The following RNF19A variants were observed in gnomAD, a reference collection of about 807,000 sequenced individuals.
RNF19A encodes E3 ubiquitin-protein ligase RNF19A.
Under a neutral mutation model 75.7 loss-of-function variants are expected in RNF19A, and 32 were observed. The ratio of observed to expected loss-of-function variants is 0.42; its 90% CI spans 0.32 to 0.57. The LOEUF (loss-of-function observed/expected upper bound fraction) is 0.57. RNF19A is among the 20% of genes least tolerant of loss of function. The probability of loss-of-function intolerance (pLI) is 0.10; values close to 1 mark genes in which losing one functional copy is unlikely to be tolerated. For missense variants in RNF19A, 782 were observed against 1,036.3 expected (o/e 0.75, Z 3.37); for synonymous variants, 335 against 345.2 (o/e 0.97, Z 0.33).
chr8:100,308,905 T>A (rs1298373486), intron 1 of RNF19A, among the ~76,000 whole-genome samples: 1 of 152,118 alleles, frequency 6.6e-6, no homozygotes. Flanking sequence ...TTAAGCAGAG[T>A]AAAGCATCGT....
intron 2 of RNF19A, among the ~76,000 whole-genome samples, chr8:100,279,518 C>T (rs993232827): frequency 2.6e-5 from 4 of 151,612 alleles, no homozygotes; most frequent in South Asian, 2.1e-4. Flanking sequence ...AGATTACAAG[C>T]GTGAGCCACC....
At chr8:100,304,831 T>G (rs1167298904) in intron 1 of RNF19A, among the ~76,000 whole-genome samples, 1 of 152,226 alleles carries the variant, frequency 6.6e-6, no homozygotes, top group Non-Finnish European at 1.5e-5. Flanking sequence ...GACTAGTTAC[T>G]AATAATTAGA....
At chr8:100,296,099 TCTTTTTTTC>T (rs1308251565) in intron 1 of RNF19A, among the ~76,000 whole-genome samples, 4 of 152,158 alleles carry the variant, frequency 2.6e-5, no homozygotes, top group East Asian at 1.9e-4. Context: ...TTCTTTTTTT[TCTTTTTTTC>T]CTTTTTTTCT....
At chr8:100,279,538 C>A (rs1202128583) in intron 2 of RNF19A, among the ~76,000 whole-genome samples, 2 of 151,980 alleles carry the variant, frequency 1.3e-5, no homozygotes, top group South Asian at 2.1e-4. Context: ...CAGACCTGGC[C>A]AATTTTTGTA....
intron 1 of RNF19A, among the ~76,000 whole-genome samples, chr8:100,319,041 A>G (rs1206234201): frequency 2.0e-5 from 3 of 152,246 alleles, no homozygotes; most frequent in Non-Finnish European, 4.4e-5. Flanking sequence ...CAGCTAATGT[A>G]AAGCTGAATA....
upstream of RNF19A, among the ~76,000 whole-genome samples, chr8:100,311,562 C>T (rs112669542): frequency 0.029 from 4,332 of 151,648 alleles, 193 homozygotes; most frequent in African/African-American, 0.098. Context: ...ACTAAAAATA[C>T]AAAAAATTAG....
At position 100,288,210 on chromosome 8, in the gene RNF19A, G is replaced by A. The variant is rs1821124476; in HGVS notation, c.-36C>T. 6.6e-6 allele frequency: 10 copies of A among 1,525,884 alleles called. No homozygotes were observed. The East Asian group carries it at 2.3e-4, about 35-fold the overall frequency. The allele number at this position is 1,525,884 out of a possible 1,614,324, so 94.5% of individuals were successfully genotyped here. On this transcript the variant is annotated 5_prime_UTR_variant, in exon 2 of 10. Transcript: ENST00000341084. ...TCATGATGTAAGAATATCCTACTTG[G>A]TTCCTTCAGAGAATTCTTGAAAAGT...
chr8:100,287,830 A>C lies in RNF19A; in HGVS notation c.345T>G (p.Ser115=). 6.2e-7 allele frequency: 1 copy of C among 1,614,216 alleles called. No individual in the cohort carries two copies. Among genetic ancestry groups the C allele is most frequent in the Admixed American group, 1.7e-5 (1 of 60,030 alleles). Residue 115 remains serine, a synonymous_variant, in exon 2 of 10, where the codon TCT becomes TCG. Transcript: ENST00000341084. This position sits in a 1 kb window ranked among gnomAD's most constrained non-coding sequence, Gnocchi z 4.1. The part of the protein sequence containing the change: ...KNSIFSTNTS[S]DNGLTSISKQ... ...TGCTGATGGAAGTTAATCCATTGTC[A>C]GAAGAGGTATTTGTAGAGAAAATGG...
Position 100,264,562 on chromosome 8 carries a change from G to A in RNF19A, c.1306+109C>T, listed in dbSNP as rs189830969. The A allele has an allele frequency of 2.7e-6, 2 of 728,772 alleles. No homozygotes were observed. Among genetic ancestry groups the A allele is most frequent in the African/African-American group, 3.5e-5 (2 of 56,362 alleles). The allele number at this position is 728,772 out of a possible 1,614,324, so 45.1% of individuals were successfully genotyped here. Reference sequence around the variant, plus strand: ...ATACTTTCAACCAAGACTTACTGCAGGCTCAATTTAAATTGTCCTCAAATT... The same window carrying A: ...ATACTTTCAACCAAGACTTACTGCAAGCTCAATTTAAATTGTCCTCAAATT... On this transcript the variant is annotated intron_variant, in intron 6 of 9. Coordinates refer to ENST00000341084, the MANE Select transcript of RNF19A (RefSeq NM_183419.4). This position sits in a 1 kb window ranked among gnomAD's most constrained non-coding sequence, Gnocchi z 4.7.
At chr8:100,305,238 C>T (rs1401647654) in intron 1 of RNF19A, among the ~76,000 whole-genome samples, 4 of 152,144 alleles carry the variant, frequency 2.6e-5, no homozygotes, top group East Asian at 3.9e-4. Flanking sequence ...GACAGTAACG[C>T]GCAAAGTCAT....
intron 3 of RNF19A, among the ~76,000 whole-genome samples, chr8:100,271,125 T>C (rs942657776): frequency 6.6e-6 from 1 of 152,178 alleles, no homozygotes; most frequent in East Asian, 1.9e-4. Flanking sequence ...AATTCAGGTT[T>C]CCTTAGCACT....
chr8:100,294,692 G>A (rs1821471519), intron 1 of RNF19A, among the ~76,000 whole-genome samples: 1 of 152,032 alleles, frequency 6.6e-6, no homozygotes, highest in South Asian at 2.1e-4. Flanking sequence ...ATTTTTTAAG[G>A]AAAACATCTT....
intron 5 of RNF19A, among the ~76,000 whole-genome samples, chr8:100,265,828 T>C (rs146389528): frequency 3.6e-4 from 55 of 152,248 alleles, no homozygotes; most frequent in Middle Eastern, 3.4e-3. Context: ...TTTCCCAGCA[T>C]TGACTAGAGG....
intron 1 of RNF19A, among the ~76,000 whole-genome samples, chr8:100,292,256 T>C (rs969152175): frequency 1.1e-4 from 17 of 152,254 alleles, no homozygotes; most frequent in Admixed American, 2.6e-4. Context: ...CATGTGAGAT[T>C]GGGAATCCAC....
intron 2 of RNF19A, among the ~76,000 whole-genome samples, chr8:100,283,318 A>C (rs775052794): frequency 2.0e-5 from 3 of 152,190 alleles, no homozygotes; most frequent in Non-Finnish European, 4.4e-5. Context: ...GAGGGTAATC[A>C]GATATTTTTA....
intron 1 of RNF19A, among the ~76,000 whole-genome samples, chr8:100,321,496 C>T (rs937624662): frequency 6.6e-6 from 1 of 152,178 alleles, no homozygotes; most frequent in African/African-American, 2.4e-5. Flanking sequence ...TGGTTCCTCC[C>T]CTGAAGTCTT....
rs2130327293 is a variant in RNF19A, at chr8:100,317,297, G to A, written c.-242-3925C>T. On this transcript the variant is annotated intron_variant, in intron 1 of 3. Transcript: ENST00000519527. The surrounding 1 kb of genome is among the most constrained non-coding windows in gnomAD (Gnocchi z 4.3). ...CAAAGTGGGAGCCCAGGCAGAGGAG[G>A]TGCCGAGAGCAAGCGAGGGCTCTGA... is the stretch of plus-strand genomic sequence containing the variant. Among the ~76,000 whole-genome samples, 1 of 152,364 alleles carries A rather than the reference G, an allele frequency of 6.6e-6. No individual in the cohort carries two copies. The highest frequency in any genetic ancestry group is 6.5e-5 in the Admixed American group (1 of 15,310).
chr8:100,281,547 G>A lies in RNF19A; in HGVS notation c.674+5954C>T, dbSNP rs1017222723. On this transcript the variant is annotated intron_variant, in intron 2 of 9. Coordinates refer to ENST00000341084, the MANE Select transcript of RNF19A (RefSeq NM_183419.4). ...ATTCTACCTGGAGCAAATTCCTTGT[G>A]AGGAACAAGTAAGAAGAAAAAAACA... 1.3e-5 allele frequency among the ~76,000 whole-genome samples: 2 copies of A among 152,178 alleles called. 1 individual carries two copies. The highest frequency in any genetic ancestry group is 1.3e-4 in the Admixed American group (2 of 15,282).
At chr8:100,283,514 G>A (rs1202824724) in intron 2 of RNF19A, among the ~76,000 whole-genome samples, 1 of 152,060 alleles carries the variant, frequency 6.6e-6, no homozygotes, top group Non-Finnish European at 1.5e-5. Flanking sequence ...CTCCTCAAGT[G>A]GGATTTTTAG....
Sources: allele counts gnomAD v4.1 joint callset (sites outside exome capture counted in the v4.1 genomes callset), GRCh38; gene constraint gnomAD v4.1.1; non-coding constraint Gnocchi (gnomAD v3.1); transcripts MANE v1.5; gene names NCBI Gene and HGNC (gene_info 2026-07-23, HGNC 2026-07-21).